SH3BGRL: variants seen among roughly 807,000 people sequenced by gnomAD.
SH3BGRL encodes SH3 domain binding glutamate rich protein like, also known as adapter SH3BGRL.
In SH3BGRL, 7 loss-of-function variants were observed where a neutral mutation model predicts 9.8. The observed-to-expected ratio is 0.72, with a 90% CI of 0.41 to 1.35. The LOEUF is 1.35. Among genes scored for constraint, SH3BGRL ranks in the 40% most tolerant of loss-of-function variants. The pLI is 0.01. For synonymous variants in SH3BGRL, 36 were observed against 29.1 expected (o/e 1.24, Z -0.76); for missense variants, 73 against 84.4 (o/e 0.86, Z 0.53).
intron 1 of SH3BGRL, among the ~76,000 whole-genome samples, chrX:81,240,266 A>G (rs1482700344): frequency 1.8e-5 from 2 of 112,268 alleles, no homozygotes; most frequent in African/African-American, 6.5e-5. Flanking sequence ...CAGAAAGTTA[A>G]AAAGCAGGTG....
chrX:81,239,298 A>T (rs2075660020), intron 1 of SH3BGRL, among the ~76,000 whole-genome samples: 2 of 112,440 alleles, frequency 1.8e-5, no homozygotes, highest in African/African-American at 6.5e-5. Context: ...GAAGGAATTC[A>T]GAATTCTATC....
chrX:81,286,968 A>G (rs1022704019), intron 3 of SH3BGRL, among the ~76,000 whole-genome samples: 5 of 111,791 alleles, frequency 4.5e-5, no homozygotes, highest in Non-Finnish European at 9.4e-5. Context: ...AAGACAAATT[A>G]TAAAGAATTT....
intron 1 of SH3BGRL, among the ~76,000 whole-genome samples, chrX:81,264,525 A>G (rs1283211688): frequency 1.8e-5 from 2 of 111,935 alleles, no homozygotes; most frequent in East Asian, 2.8e-4. Context: ...CGCTGCTAAC[A>G]TATAGTAAGG....
chrX:81,282,224 A>G (rs770391811), intron 3 of SH3BGRL, among the ~76,000 whole-genome samples: 17 of 112,180 alleles, frequency 1.5e-4, no homozygotes, highest in Non-Finnish European at 2.8e-4. Context: ...CAGCAACACA[A>G]TAATAGTGGG....
In SH3BGRL at chrX:81,297,480, G is replaced by A. The variant is rs182019225; in HGVS notation, c.*253G>A. ...TATCGTAGAAATAGTGTTGTTACCT[G>A]CCAAGCCATCCTGTATACACCAATG... On this transcript the variant is annotated 3_prime_UTR_variant, in exon 4 of 4. Transcript: ENST00000373212. 57 of 274,639 alleles carry A rather than the reference G, an allele frequency of 2.1e-4. No homozygotes were observed. The highest frequency in any genetic ancestry group is 3.4e-4 in the Non-Finnish European group (53 of 156,242). 22.6% of individuals were successfully genotyped at this position (274,639 alleles called of 1,213,427 possible). A position where few individuals can be genotyped will look rare whatever the true frequency, so the allele number is the denominator to read the frequency against.
intron 1 of SH3BGRL, among the ~76,000 whole-genome samples, chrX:81,239,807 A>T (rs1053550590): frequency 8.9e-6 from 1 of 112,386 alleles, no homozygotes; most frequent in Non-Finnish European, 1.9e-5. Flanking sequence ...TGGAGCTCCA[A>T]TGCATCTGGC....
At chrX:81,211,827 G>A (rs1351805197) in intron 1 of SH3BGRL, among the ~76,000 whole-genome samples, 1 of 110,911 alleles carries the variant, frequency 9.0e-6, no homozygotes, top group African/African-American at 3.3e-5. Context: ...CTTGCAGAAA[G>A]CCTATTGTGG....
chrX:81,293,556 G>T (rs2075864849), intron 3 of SH3BGRL, among the ~76,000 whole-genome samples: 1 of 111,916 alleles, frequency 8.9e-6, no homozygotes. Context: ...GGTGGCATGT[G>T]CCTGTAGTCC....
At chrX:81,288,636 T>A (rs2075845895) in intron 3 of SH3BGRL, among the ~76,000 whole-genome samples, 1 of 111,849 alleles carries the variant, frequency 8.9e-6, no homozygotes, top group Non-Finnish European at 1.9e-5. Context: ...TTTCTATATG[T>A]CAACAGCAAA....
intron 3 of SH3BGRL, among the ~76,000 whole-genome samples, chrX:81,281,485 A>G (rs1284660892): frequency 8.9e-6 from 1 of 112,137 alleles, no homozygotes; most frequent in Non-Finnish European, 1.9e-5. Context: ...CAAAAACCCT[A>G]CAAGCTAGAA....
intron 1 of SH3BGRL, among the ~76,000 whole-genome samples, chrX:81,236,612 C>T (rs1367656701): frequency 9.0e-6 from 1 of 111,224 alleles, no homozygotes; most frequent in Admixed American, 9.6e-5. Flanking sequence ...AACAGATGCA[C>T]CATCAAAAAA....
At chrX:81,206,792 A>G (rs866277491) in intron 1 of SH3BGRL, among the ~76,000 whole-genome samples, 1 of 112,241 alleles carries the variant, frequency 8.9e-6, no homozygotes, top group Middle Eastern at 4.6e-3. Context: ...GAAGACCTAC[A>G]CAGTTGGAAA....
At chrX:81,291,483 A>T (rs1490883044) in intron 3 of SH3BGRL, among the ~76,000 whole-genome samples, 1 of 111,756 alleles carries the variant, frequency 8.9e-6, no homozygotes, top group Non-Finnish European at 1.9e-5. Flanking sequence ...CCCCTCCTCC[A>T]ACAATGAGAA....
intron 1 of SH3BGRL, among the ~76,000 whole-genome samples, chrX:81,229,691 C>T (rs1332667915): frequency 9.0e-6 from 1 of 111,604 alleles, no homozygotes; most frequent in Non-Finnish European, 1.9e-5. Flanking sequence ...TAGTGTGTTC[C>T]TTTCAACATC....
chrX:81,296,395 T>C (rs1052332905), intron 3 of SH3BGRL, among the ~76,000 whole-genome samples: 3 of 111,833 alleles, frequency 2.7e-5, no homozygotes, highest in African/African-American at 9.8e-5. Context: ...AATTTTGGTG[T>C]CATTTAATAT....
chrX:81,207,985 G>A (rs1384623870), intron 1 of SH3BGRL, among the ~76,000 whole-genome samples: 5 of 111,735 alleles, frequency 4.5e-5, no homozygotes, highest in Admixed American at 9.5e-5. Flanking sequence ...GGCCGGGCAC[G>A]GTGGCTCACA....
chrX:81,241,780 C>G (rs1205030390), intron 1 of SH3BGRL, among the ~76,000 whole-genome samples: 1 of 112,373 alleles, frequency 8.9e-6, no homozygotes, highest in Non-Finnish European at 1.9e-5. Flanking sequence ...TCTGCAACTT[C>G]CAAGCATCAC....
chrX:81,217,096 G>A (rs749031718), intron 1 of SH3BGRL, among the ~76,000 whole-genome samples: 5 of 108,232 alleles, frequency 4.6e-5, no homozygotes, highest in African/African-American at 6.7e-5. Flanking sequence ...CCACATCCTC[G>A]CCAGCATGTT....
chrX:81,211,343 GT>G lies in SH3BGRL; in HGVS notation c.45+9099del, dbSNP rs1246634205. On this transcript the variant is annotated intron_variant, in intron 1 of 3. Coordinates refer to ENST00000373212, the MANE Select transcript of SH3BGRL (RefSeq NM_003022.3). Reference sequence around the variant, plus strand: ...CTCACGCCTGTAATCTCAGCACTTTGTGGGGGCCGAGGCGGGCGGATCACGA... The same window carrying G: ...CTCACGCCTGTAATCTCAGCACTTTGGGGGGCCGAGGCGGGCGGATCACGA... 1.3e-4 allele frequency among the ~76,000 whole-genome samples: 14 copies of G among 111,906 alleles called. No individual in the cohort carries two copies. The South Asian group carries it at 2.6e-3, about 21-fold the overall frequency.
Sources: gnomAD v4.1 joint callset for allele counts (sites outside exome capture counted in the v4.1 genomes callset) on GRCh38, gnomAD v4.1.1 for gene constraint, MANE v1.5 for transcripts, NCBI Gene and HGNC (gene_info 2026-07-23, HGNC 2026-07-21) for gene names.